Variants in CEP63 observed in about 807,000 individuals in gnomAD.
CEP63 encodes centrosomal protein 63, also known as centrosomal protein of 63 kDa.
CEP63 carries 84 observed loss-of-function variants against 89.1 expected under a neutral mutation model. The ratio of observed to expected loss-of-function variants is 0.94; its 90% CI spans 0.79 to 1.13. CEP63 has a LOEUF of 1.13. Ranked by LOEUF, CEP63 falls within the 50% of genes most tolerant of loss-of-function variation. The pLI is 0.00. For missense variants in CEP63, 838 were observed against 813.3 expected (o/e 1.03, Z -0.37); for synonymous variants, 267 against 272.5 (o/e 0.98, Z 0.20).
the CEP63 span, among the ~76,000 whole-genome samples, chr3:134,671,042 A>T: frequency 6.6e-6 from 1 of 152,222 alleles, no homozygotes; most frequent in Non-Finnish European, 1.5e-5. Flanking sequence ...ACAACTTCAG[A>T]ATAGTGTTTC....
chr3:134,761,581 C>A, the CEP63 span, among the ~76,000 whole-genome samples: 1 of 152,182 alleles, frequency 6.6e-6, no homozygotes, highest in Non-Finnish European at 1.5e-5. Context: ...CGGCCAACAG[C>A]AAAGGCACTG....
chr3:134,751,548 C>A, the CEP63 span, among the ~76,000 whole-genome samples: 1 of 152,114 alleles, frequency 6.6e-6, no homozygotes, highest in African/African-American at 2.4e-5. Flanking sequence ...GCTCAGGCAA[C>A]TGGAGCCATG....
chr3:134,586,245 C>T (rs1181702734), intron 10 of CEP63, among the ~76,000 whole-genome samples: 1 of 152,114 alleles, frequency 6.6e-6, no homozygotes, highest in Non-Finnish European at 1.5e-5. Context: ...ATAATGTTAG[C>T]TGGTAATTTT....
chr3:134,641,821 G>A, the CEP63 span, among the ~76,000 whole-genome samples: 1 of 152,136 alleles, frequency 6.6e-6, no homozygotes, highest in Non-Finnish European at 1.5e-5. Context: ...AGGATTGTCT[G>A]TGTCTCCTCA....
At chr3:134,603,652 T>C in the CEP63 span, 2 of 1,613,350 alleles carry the variant, frequency 1.2e-6, no homozygotes, top group Admixed American at 1.7e-5. Flanking sequence ...CACCATGACA[T>C]AGACTTCCTG....
the CEP63 span, chr3:134,780,682 T>G: frequency 6.6e-6 from 1 of 152,262 alleles, no homozygotes; most frequent in East Asian, 1.9e-4. Flanking sequence ...TCTTTATATA[T>G]TCTAGATACT....
the CEP63 span, among the ~76,000 whole-genome samples, chr3:134,652,138 C>T: frequency 6.6e-6 from 1 of 152,118 alleles, no homozygotes; most frequent in Non-Finnish European, 1.5e-5. Flanking sequence ...GACCTTGGAC[C>T]AGCCATTTTC....
chr3:134,613,407 G>A, the CEP63 span, among the ~76,000 whole-genome samples: 6 of 152,286 alleles, frequency 3.9e-5, no homozygotes, highest in East Asian at 1.2e-3. Context: ...CCCAGCCCTG[G>A]AAAGGAGAGC....
chr3:134,691,549 C>T, the CEP63 span, among the ~76,000 whole-genome samples: 2 of 151,700 alleles, frequency 1.3e-5, no homozygotes, highest in Non-Finnish European at 2.9e-5. Context: ...ACCCAGGAGG[C>T]AGAGGTTGCA....
the CEP63 span, among the ~76,000 whole-genome samples, chr3:134,750,748 C>T: frequency 1.3e-5 from 2 of 152,178 alleles, no homozygotes; most frequent in Non-Finnish European, 2.9e-5. Flanking sequence ...GTCTTTCTTG[C>T]CTAGAAGTGC....
chr3:134,547,604 G>GGTCTTTTTT, intron 9 of CEP63, 132 bp downstream of exon 9: 3 of 179,012 alleles, frequency 1.7e-5, no homozygotes, highest in Admixed American at 1.5e-4. Context: ...AATGGCCTAA[G>GGTCTTTTTT]TTCTTATTTC....
At chr3:134,656,853 A>G in the CEP63 span, among the ~76,000 whole-genome samples, 3 of 152,244 alleles carry the variant, frequency 2.0e-5, no homozygotes, top group Admixed American at 6.5e-5. Context: ...TGTCAAATTC[A>G]GGCTCATTAC....
chr3:134,661,812 C>T, the CEP63 span, among the ~76,000 whole-genome samples: 32,611 of 150,774 alleles, frequency 0.22, 4,084 homozygotes, highest in Non-Finnish European at 0.29. Flanking sequence ...TTTGTGCCCC[C>T]CCCCTCAAAT....
the CEP63 span, among the ~76,000 whole-genome samples, chr3:134,670,115 A>G: frequency 1.3e-5 from 2 of 152,230 alleles, no homozygotes; most frequent in African/African-American, 4.8e-5. Context: ...TTCAGCCTCT[A>G]GAACTATGAG....
chr3:134,547,506 A>G, intron 9 of CEP63, 34 bp downstream of exon 9: 2 of 1,589,468 alleles, frequency 1.3e-6, no homozygotes, highest in Non-Finnish European at 1.7e-6. Flanking sequence ...AAAAATTTCA[A>G]GTTGTTAAAA....
chr3:134,713,722 G>T, the CEP63 span, among the ~76,000 whole-genome samples: 1 of 152,290 alleles, frequency 6.6e-6, no homozygotes, highest in East Asian at 1.9e-4. Flanking sequence ...AATGTAAGGT[G>T]GTGGTGCCTG....
At chr3:134,752,489 G>A in the CEP63 span, among the ~76,000 whole-genome samples, 102 of 152,274 alleles carry the variant, frequency 6.7e-4, no homozygotes, top group African/African-American at 2.3e-3. Context: ...TCTCTCTCTT[G>A]CACCCTCATT....
At chr3:134,753,281 T>G in the CEP63 span, among the ~76,000 whole-genome samples, 1 of 152,162 alleles carries the variant, frequency 6.6e-6, no homozygotes, top group Admixed American at 6.5e-5. Flanking sequence ...TATTTAGAGT[T>G]TCTCCTCTAT....
At chr3:134,745,754 A>C in the CEP63 span, among the ~76,000 whole-genome samples, 2 of 151,328 alleles carry the variant, frequency 1.3e-5, no homozygotes, top group African/African-American at 2.4e-5. Flanking sequence ...TCATTGTTCA[A>C]TTCCCACCTA....
Sources: gnomAD v4.1 joint callset for allele counts (sites outside exome capture counted in the v4.1 genomes callset) on GRCh38, gnomAD v4.1.1 for gene constraint, MANE v1.5 for transcripts, NCBI Gene and HGNC (gene_info 2026-07-23, HGNC 2026-07-21) for gene names.